Variants in PLEKHH1 observed in about 807,000 individuals in gnomAD.
The protein encoded by PLEKHH1 is pleckstrin homology, MyTH4 and FERM domain containing H1.
A neutral mutation model predicts 160.0 loss-of-function variants in PLEKHH1; 104 were observed. That is an observed-to-expected ratio of 0.65 (90% CI 0.55 to 0.76). PLEKHH1 has a LOEUF of 0.76. PLEKHH1 is among the 30% of genes least tolerant of loss of function. PLEKHH1 has a pLI of 0.00. For missense variants in PLEKHH1, 1,427 were observed against 1,724.1 expected (o/e 0.83, Z 3.05); for synonymous variants, 619 against 678.4 (o/e 0.91, Z 1.36).
intron 26 of PLEKHH1, chr14:67,585,287 G>A: frequency 2.8e-6 from 1 of 351,924 alleles, no homozygotes; most frequent in Non-Finnish European, 5.2e-6. Context: ...CATCCAGTGT[G>A]CTGTGGCAGC....
intron 2 of PLEKHH1, among the ~76,000 whole-genome samples, chr14:67,552,331 A>G (rs79807269): frequency 0.012 from 1,862 of 152,334 alleles, 45 homozygotes; most frequent in African/African-American, 0.043. Context: ...CTTTAAGCAA[A>G]GGTGAAGAAG....
Position 67,577,341 on chromosome 14 carries a change from A to G in PLEKHH1, c.2501A>G (p.Lys834Arg), listed in dbSNP as rs200751390. 141 of 1,584,288 alleles carry G rather than the reference A, an allele frequency of 8.9e-5. No homozygotes were observed. In the African/African-American group the frequency reaches 1.7e-3, roughly 19 times the overall value. Reference protein sequence around the residue: ...LWRHPMLCYSKDGLYASLTTL... With the variant: ...LWRHPMLCYSRDGLYASLTTL... ...AGGCACCCCATGCTGTGCTACAGCA[A>G]AGACGGCCTATACGCCTCCCTCACC... The change falls in exon 18 of 29, where the codon AAA becomes AGA. Residue 834 changes from lysine (K) to arginine (R), a missense_variant. By Grantham distance (26) the Lys-to-Arg change is conservative. Coordinates refer to ENST00000329153, the MANE Select transcript of PLEKHH1 (RefSeq NM_020715.3).
Position 67,573,690 on chromosome 14 carries a change from G to T in PLEKHH1, c.1840-111G>T. ...CCCATCATAACACAGCCAGAATGCTGGGAATCATGTTTCCCTTTGCTTATG... is the reference window on the plus strand; with the variant it reads ...CCCATCATAACACAGCCAGAATGCTTGGAATCATGTTTCCCTTTGCTTATG... On this transcript the variant is annotated intron_variant, in intron 12 of 28. Transcript: ENST00000329153. This position sits in a 1 kb window ranked among gnomAD's most constrained non-coding sequence, Gnocchi z 4.8. 1.3e-6 allele frequency: 1 copy of T among 779,010 alleles called. No individual in the cohort carries two copies. Among genetic ancestry groups the T allele is most frequent in the Non-Finnish European group, 2.3e-6 (1 of 435,662 alleles). 48.3% of individuals were successfully genotyped at this position (779,010 alleles called of 1,614,324 possible).
At position 67,574,011 on chromosome 14, in the gene PLEKHH1, C is replaced by T. The variant is rs1031979448; in HGVS notation, c.1926+124C>T. 3.9e-5 allele frequency: 30 copies of T among 761,866 alleles called. No homozygotes were observed. The highest frequency in any genetic ancestry group is 1.6e-4 in the African/African-American group (9 of 57,882). The allele number at this position is 761,866 out of a possible 1,614,324, so 47.2% of individuals were successfully genotyped here. On this transcript the variant is annotated intron_variant, in intron 13 of 28. Transcript: ENST00000329153. This position sits in a 1 kb window ranked among gnomAD's most constrained non-coding sequence, Gnocchi z 4.2. Reference sequence around the variant, plus strand: ...GAAAGACTTCAGATCAACATTTGGACGTGATCCTAACTTGTGAGTACAAGA... The same window carrying T: ...GAAAGACTTCAGATCAACATTTGGATGTGATCCTAACTTGTGAGTACAAGA...
rs772607954 is a variant in PLEKHH1, at chr14:67,569,996, A to C, written c.1418A>C (p.Tyr473Ser). The change falls in exon 9 of 29, where the codon TAC (tyrosine) becomes TCC (serine). Residue 473 changes from tyrosine (Y) to serine (S), a missense_variant. Physicochemically the swap from Tyr to Ser is moderately radical, Grantham distance 144. Around this residue, in one of 6 missense-constraint regions of PLEKHH1, gnomAD observed 831 missense variants for 929.2 expected, o/e 0.89. Transcript: ENST00000329153. ...LVYKNVTVPV[Y>S]TALKGRATQI... The stretch of plus-strand genomic sequence containing the variant: ...TACAAGAATGTCACTGTGCCTGTCT[A>C]CACAGCACTGAAGGGGGTAAGAAAC... 1 of 1,600,652 alleles carries C rather than the reference A, an allele frequency of 6.2e-7. No individual in the cohort carries two copies. The highest frequency in any genetic ancestry group is 2.2e-5 in the East Asian group (1 of 44,724).
In PLEKHH1 at chr14:67,578,297, C is replaced by T; in HGVS notation, c.2751+98C>T. 2 of 1,101,908 alleles carry T rather than the reference C, an allele frequency of 1.8e-6. No individual in the cohort carries two copies. The highest frequency in any genetic ancestry group is 3.7e-5 in the Admixed American group (2 of 54,260). 68.3% of individuals were successfully genotyped at this position (1,101,908 alleles called of 1,614,324 possible). A position where few individuals can be genotyped will look rare whatever the true frequency, so the allele number is the denominator to read the frequency against. On this transcript the variant is annotated intron_variant, in intron 19 of 28. Transcript: ENST00000329153. The surrounding 1 kb of genome is among the most constrained non-coding windows in gnomAD (Gnocchi z 5.0). The stretch of plus-strand genomic sequence containing the variant: ...GGTGACTGGGCAGGTATACGGTGAG[C>T]CCAGCCAGCGGGCAGCCTCTGTGCT...
intron 7 of PLEKHH1, among the ~76,000 whole-genome samples, chr14:67,565,185 C>T (rs1478023910): frequency 2.6e-5 from 4 of 152,058 alleles, no homozygotes; most frequent in African/African-American, 9.7e-5. Context: ...ACCACTGTTC[C>T]CCACAGACTT....
Position 67,577,456 on chromosome 14 carries a change from C to G in PLEKHH1, c.2574+42C>G, listed in dbSNP as rs745491029. ...GCCAGGCCCACCGCTGGGATACTTG[C>G]AATACTTGGGTGGAGAAGGCCTGTG... On this transcript the variant is annotated intron_variant, in intron 18 of 28. Transcript: ENST00000329153. 8 of 1,266,914 alleles carry G rather than the reference C, an allele frequency of 6.3e-6. No homozygotes were observed. In the East Asian group the frequency reaches 2.0e-4, roughly 32 times the overall value. 78.5% of individuals were successfully genotyped at this position (1,266,914 alleles called of 1,614,324 possible).
chr14:67,578,534 T>C lies in PLEKHH1; in HGVS notation c.2752T>C (p.Cys918Arg), dbSNP rs1360021085. 3 of 1,606,430 alleles carry C rather than the reference T, an allele frequency of 1.9e-6. No individual in the cohort carries two copies. In the African/African-American group the frequency reaches 4.0e-5, roughly 21 times the overall value. ...RPPQKYSLMQ[C>R]WQLLALCAPL... ...CCCACGCTGTCTGTGTCCCTGGCAGTGCTGGCAGCTCCTCGCTCTGTGTGC... is the reference window on the plus strand; with the variant it reads ...CCCACGCTGTCTGTGTCCCTGGCAGCGCTGGCAGCTCCTCGCTCTGTGTGC... The change falls in exon 20 of 29, where the codon TGC (cysteine) becomes CGC (arginine). Residue 918 changes from cysteine (C) to arginine (R), a missense_variant and splice_region_variant. Transcript: ENST00000329153. The surrounding 1 kb of genome is among the most constrained non-coding windows in gnomAD (Gnocchi z 5.0).
intron 2 of PLEKHH1, among the ~76,000 whole-genome samples, chr14:67,554,921 AT>A (rs952773718): frequency 4.0e-5 from 6 of 151,384 alleles, no homozygotes; most frequent in Non-Finnish European, 7.4e-5. Flanking sequence ...ACTTTTTTAA[AT>A]TTTTTTTTGA....
chr14:67,567,425 C>T (rs1049990132), intron 7 of PLEKHH1, among the ~76,000 whole-genome samples: 1 of 152,194 alleles, frequency 6.6e-6, no homozygotes, highest in Non-Finnish European at 1.5e-5. Flanking sequence ...CTTCAAACTT[C>T]AGTTTCATTT....
intron 1 of PLEKHH1, among the ~76,000 whole-genome samples, chr14:67,539,762 G>A (rs1485854248): frequency 3.3e-5 from 5 of 152,148 alleles, no homozygotes; most frequent in African/African-American, 7.2e-5. Flanking sequence ...TTAACTAGCT[G>A]TACAATTATC....
intron 8 of PLEKHH1, among the ~76,000 whole-genome samples, 151 bp downstream of exon 8, chr14:67,569,367 C>T (rs2035261793): frequency 6.6e-6 from 1 of 152,166 alleles, no homozygotes; most frequent in Non-Finnish European, 1.5e-5. Context: ...GGTGAAATCA[C>T]AGCAAGTCCC....
At chr14:67,551,087 C>A (rs1220711856) in intron 2 of PLEKHH1, among the ~76,000 whole-genome samples, 1 of 152,190 alleles carries the variant, frequency 6.6e-6, no homozygotes, top group East Asian at 1.9e-4. Flanking sequence ...TACATATAAG[C>A]TAAATGCCCA....
Position 67,585,932 on chromosome 14 carries a change from G to A in PLEKHH1, c.3787-19G>A, listed in dbSNP as rs1163738195. The A allele has an allele frequency of 6.2e-7, 1 of 1,604,804 alleles. No individual in the cohort carries two copies. The highest frequency in any genetic ancestry group is 8.5e-7 in the Non-Finnish European group (1 of 1,175,732). ...ACAGGTGGAAAGTTTCCCCACAACT[G>A]ACTGGTTCCTTTCCACAGCAAGTGC... On this transcript the variant is annotated intron_variant, in intron 27 of 28. Coordinates refer to ENST00000329153, the MANE Select transcript of PLEKHH1 (RefSeq NM_020715.3).
At chr14:67,552,660 G>A (rs193280488) in intron 2 of PLEKHH1, among the ~76,000 whole-genome samples, 15 of 151,600 alleles carry the variant, frequency 9.9e-5, no homozygotes, top group South Asian at 2.1e-4. Flanking sequence ...CCAGCTACTC[G>A]GGAGGCTAAG....
Position 67,562,310 on chromosome 14 carries a change from G to A in PLEKHH1, c.679G>A (p.Asp227Asn). The change falls in exon 7 of 29, where the codon GAC becomes AAC. Residue 227 changes from aspartate (D) to asparagine (N), a missense_variant. Asp to Asn is a conservative substitution (Grantham distance 23, BLOSUM62 1). Around this residue, in one of 6 missense-constraint regions of PLEKHH1, gnomAD observed 831 missense variants for 929.2 expected, o/e 0.89. Coordinates refer to ENST00000329153, the MANE Select transcript of PLEKHH1 (RefSeq NM_020715.3). ...TTCCCCAGGTGCCCTGCAGAGCAAGGACTCTGTTTCTGAAGCAGCAAGCCC... is the reference window on the plus strand; with the variant it reads ...TTCCCCAGGTGCCCTGCAGAGCAAGAACTCTGTTTCTGAAGCAGCAAGCCC... ...APSPGALQSK[D>N]SVSEAASPLE... is the part of the protein sequence containing the mutation. 1 of 1,613,922 alleles carries A rather than the reference G, an allele frequency of 6.2e-7. No individual in the cohort carries two copies.
At position 67,569,945 on chromosome 14, in the gene PLEKHH1, C is replaced by T. The variant is rs754561229; in HGVS notation, c.1367C>T (p.Ser456Phe). Reference sequence around the variant, plus strand: ...GCTTCAAGCCCTCCTGCCCTTGTTTCCCCTGGGTCTTTCTCTGGCCTGGTC... The same window carrying T: ...GCTTCAAGCCCTCCTGCCCTTGTTTTCCCTGGGTCTTTCTCTGGCCTGGTC... ...CCASSPPALVSPGSFSGLVYK... is the reference protein window; with the variant it reads ...CCASSPPALVFPGSFSGLVYK... Residue 456 changes from serine (S) to phenylalanine (F), a missense_variant, in exon 9 of 29, where the codon TCC becomes TTC. Around this residue, in one of 6 missense-constraint regions of PLEKHH1, gnomAD observed 831 missense variants for 929.2 expected, o/e 0.89. Coordinates refer to ENST00000329153, the MANE Select transcript of PLEKHH1 (RefSeq NM_020715.3). 3.1e-6 allele frequency: 5 copies of T among 1,609,658 alleles called. No homozygotes were observed. The highest frequency in any genetic ancestry group is 4.2e-6 in the Non-Finnish European group (5 of 1,177,536).
At chr14:67,552,683 C>T (rs1594754317) in intron 2 of PLEKHH1, among the ~76,000 whole-genome samples, 1 of 151,532 alleles carries the variant, frequency 6.6e-6, no homozygotes, top group East Asian at 2.0e-4. Flanking sequence ...AGGAGAATGG[C>T]GGGAACCCGG....
Sources: allele counts gnomAD v4.1 joint callset (sites outside exome capture counted in the v4.1 genomes callset), GRCh38; gene constraint gnomAD v4.1.1; regional missense constraint gnomAD v4.1.1; non-coding constraint Gnocchi (gnomAD v3.1); transcripts MANE v1.5; gene names NCBI Gene and HGNC (gene_info 2026-07-23, HGNC 2026-07-21).